The following GSK3B variants were observed in gnomAD, a reference collection of about 807,000 sequenced individuals.
GSK3B encodes glycogen synthase kinase 3 beta, also known as glycogen synthase kinase-3 beta.
In GSK3B, 15 loss-of-function variants were observed where a neutral mutation model predicts 56.4. The observed-to-expected ratio is 0.27, with a 90% CI of 0.18 to 0.41. GSK3B has a LOEUF of 0.41. Among genes scored for constraint, GSK3B ranks in the 10% least tolerant of loss-of-function variants. GSK3B has a pLI of 1.00. For missense variants in GSK3B, 300 were observed against 513.4 expected (o/e 0.58, Z 4.02); for synonymous variants, 181 against 188.9 (o/e 0.96, Z 0.34).
At chr3:119,860,109 T>C (rs1021412000) in intron 9 of GSK3B, among the ~76,000 whole-genome samples, 2 of 152,142 alleles carry the variant, frequency 1.3e-5, no homozygotes, top group Non-Finnish European at 2.9e-5. Context: ...AAACTGAGAT[T>C]GGGGATGTGT....
intron 7 of GSK3B, among the ~76,000 whole-genome samples, chr3:119,890,590 A>G (rs113944189): frequency 6.6e-6 from 1 of 152,086 alleles, no homozygotes; most frequent in Non-Finnish European, 1.5e-5. Flanking sequence ...TCCAGGCTAT[A>G]AAAAGAAACA....
intron 5 of GSK3B, among the ~76,000 whole-genome samples, chr3:119,913,710 G>C (rs568758359): frequency 8.6e-5 from 13 of 151,262 alleles, no homozygotes; most frequent in Admixed American, 8.6e-4. Context: ...ACAGATGAAA[G>C]TAGTCACAAG....
intron 7 of GSK3B, among the ~76,000 whole-genome samples, chr3:119,899,077 G>C (rs1362174427): frequency 1.3e-5 from 2 of 152,018 alleles, no homozygotes; most frequent in African/African-American, 4.8e-5. Context: ...AATGATCCTG[G>C]ATCAGTGAGC....
chr3:120,015,649 C>CAAAA (rs61520236), intron 1 of GSK3B, among the ~76,000 whole-genome samples: 5 of 46,944 alleles, frequency 1.1e-4, no homozygotes, highest in Non-Finnish European at 2.0e-4. Flanking sequence ...GACTCTGTCT[C>CAAAA]AAAAAAAAAA....
chr3:119,938,459 C>T (rs2057016881), intron 3 of GSK3B, among the ~76,000 whole-genome samples: 1 of 151,926 alleles, frequency 6.6e-6, no homozygotes, highest in African/African-American at 2.4e-5. Flanking sequence ...TCCTTTATCT[C>T]AGGAATACAA....
chr3:119,866,450 TA>T lies in GSK3B; in HGVS notation c.910-2846del, dbSNP rs2056184027. 4.1e-6 allele frequency: 3 copies of T among 725,454 alleles called. No homozygotes were observed. The Middle Eastern group carries it at 7.1e-4, about 171-fold the overall frequency. The allele number at this position is 725,454 out of a possible 1,614,324, so 44.9% of individuals were successfully genotyped here. A position where few individuals can be genotyped will look rare whatever the true frequency, so the allele number is the denominator to read the frequency against. ...AGTGAAACCTATGCCATACAGTGAATAAAAACAGAAATCACAGCTACTTACA... is the reference window on the plus strand; with the variant it reads ...AGTGAAACCTATGCCATACAGTGAATAAAACAGAAATCACAGCTACTTACA... On this transcript the variant is annotated intron_variant, in intron 8 of 10. Coordinates refer to ENST00000264235, the MANE Select transcript of GSK3B (RefSeq NM_001146156.2).
At chr3:120,044,507 A>G (rs1454868102) in intron 1 of GSK3B, among the ~76,000 whole-genome samples, 2 of 152,164 alleles carry the variant, frequency 1.3e-5, no homozygotes, top group Non-Finnish European at 2.9e-5. Flanking sequence ...CACAACACTG[A>G]AAAGTAAGAG....
intron 1 of GSK3B, among the ~76,000 whole-genome samples, chr3:120,065,157 C>T: frequency 6.6e-6 from 1 of 151,898 alleles, no homozygotes; most frequent in East Asian, 1.9e-4. Flanking sequence ...TTTTGTGCAT[C>T]AAAGGGCACT....
intron 1 of GSK3B, among the ~76,000 whole-genome samples, chr3:120,048,795 T>C (rs1324745850): frequency 6.6e-6 from 1 of 152,206 alleles, no homozygotes; most frequent in Non-Finnish European, 1.5e-5. Flanking sequence ...TGCTCCCATT[T>C]ATACCCAGAA....
intron 1 of GSK3B, among the ~76,000 whole-genome samples, chr3:120,005,862 C>T (rs2057722827): frequency 6.6e-6 from 1 of 152,160 alleles, no homozygotes; most frequent in Admixed American, 6.5e-5. Flanking sequence ...GAAGAAATTG[C>T]ATCAATTAAT....
At chr3:119,886,552 A>C (rs988951256) in intron 7 of GSK3B, among the ~76,000 whole-genome samples, 2 of 152,186 alleles carry the variant, frequency 1.3e-5, no homozygotes, top group East Asian at 1.9e-4. Context: ...AAATTGTTCT[A>C]CCAAAAAGAT....
intron 2 of GSK3B, among the ~76,000 whole-genome samples, chr3:119,955,373 C>A (rs2057203423): frequency 6.6e-6 from 1 of 151,990 alleles, no homozygotes. Context: ...TATTTTGAAG[C>A]CAACTATGTG....
At position 119,942,430 on chromosome 3, in the gene GSK3B, C is replaced by T. The variant is rs567063702; in HGVS notation, c.366+4838G>A. 1.5e-4 allele frequency among the ~76,000 whole-genome samples: 23 copies of T among 152,252 alleles called. No individual in the cohort carries two copies. The South Asian group carries it at 4.8e-3, about 32-fold the overall frequency. On this transcript the variant is annotated intron_variant, in intron 3 of 10. Transcript: ENST00000264235. ...TCTCCTGCCTCAGCCTCTCGAGTAGCTGGGATTACAGGCACCCACCACCAC... is the reference window on the plus strand; with the variant it reads ...TCTCCTGCCTCAGCCTCTCGAGTAGTTGGGATTACAGGCACCCACCACCAC...
At chr3:120,028,765 G>C in intron 1 of GSK3B, 1 of 474,950 alleles carries the variant, frequency 2.1e-6, no homozygotes, top group African/African-American at 2.0e-5. Flanking sequence ...TGGGCAGAGA[G>C]AGGTTGGGGC....
At chr3:119,973,466 G>C (rs1435450467) in intron 2 of GSK3B, among the ~76,000 whole-genome samples, 1 of 152,096 alleles carries the variant, frequency 6.6e-6, no homozygotes, top group Non-Finnish European at 1.5e-5. Context: ...ATGGCTCACT[G>C]ATCTAGGATC....
intron 1 of GSK3B, among the ~76,000 whole-genome samples, chr3:120,030,825 A>G (rs1334065240): frequency 2.0e-5 from 3 of 152,238 alleles, no homozygotes; most frequent in Non-Finnish European, 4.4e-5. Flanking sequence ...TAAACACACA[A>G]TAATGTCCTG....
intron 1 of GSK3B, among the ~76,000 whole-genome samples, chr3:120,027,953 A>T (rs1310799386): frequency 1.3e-5 from 2 of 151,616 alleles, no homozygotes; most frequent in Non-Finnish European, 2.9e-5. Flanking sequence ...ACTGGGTTCT[A>T]AAAAAAAATC....
At chr3:119,924,464 T>C (rs941351724) in intron 3 of GSK3B, among the ~76,000 whole-genome samples, 12 of 152,204 alleles carry the variant, frequency 7.9e-5, no homozygotes, top group African/African-American at 2.9e-4. Flanking sequence ...TTCCATATTA[T>C]CAGTGGCCAC....
chr3:119,840,701 C>T (rs1188071022), intron 10 of GSK3B, among the ~76,000 whole-genome samples: 1 of 152,154 alleles, frequency 6.6e-6, no homozygotes, highest in Non-Finnish European at 1.5e-5. Flanking sequence ...TTCACTACTG[C>T]AGCGCCATAG....
Sources: allele counts gnomAD v4.1 joint callset (sites outside exome capture counted in the v4.1 genomes callset), GRCh38; gene constraint gnomAD v4.1.1; transcripts MANE v1.5; gene names NCBI Gene and HGNC (gene_info 2026-07-23, HGNC 2026-07-21).